BMPR2: variants seen among roughly 807,000 people sequenced by gnomAD.
BMPR2 encodes bone morphogenetic protein receptor type-2.
In BMPR2, 29 loss-of-function variants were observed where a neutral mutation model predicts 100.8. The observed-to-expected ratio is 0.29, with a 90% confidence interval of 0.21 to 0.39. BMPR2 has a LOEUF of 0.39. Among genes scored for constraint, BMPR2 ranks in the 10% least tolerant of loss-of-function variants. The probability of loss-of-function intolerance (pLI) is 1.00; values close to 1 mark genes in which losing one functional copy is unlikely to be tolerated. For missense variants in BMPR2, 1,011 were observed against 1,274.5 expected (o/e 0.79, Z 3.15); for synonymous variants, 382 against 442.3 (o/e 0.86, Z 1.71).
At chr2:202,545,934 C>G (rs982818143) in intron 10 of BMPR2, among the ~76,000 whole-genome samples, 4 of 152,160 alleles carry the variant, frequency 2.6e-5, no homozygotes, top group Non-Finnish European at 5.9e-5. Context: ...AAAGAAAAAT[C>G]TGTGAAATTT....
Position 202,491,345 on chromosome 2 carries a change from C to T in BMPR2, c.419-22374C>T, listed in dbSNP as rs551851428. On this transcript the variant is annotated intron_variant, in intron 3 of 12. Coordinates refer to ENST00000374580, the MANE Select transcript of BMPR2 (RefSeq NM_001204.7). ...GTACTGAGATTGCGGTCATGAGCCA[C>T]TGCTCCGAGCCCACCCTACCTCTTT... is the stretch of plus-strand genomic sequence containing the variant. 8.9e-4 allele frequency among the ~76,000 whole-genome samples: 136 copies of T among 152,306 alleles called. 1 individual carries two copies. The highest frequency in any genetic ancestry group is 3.1e-3 in the African/African-American group (128 of 41,576).
intron 1 of BMPR2, among the ~76,000 whole-genome samples, chr2:202,446,066 G>A (rs539565261): frequency 6.6e-6 from 1 of 150,484 alleles, no homozygotes; most frequent in East Asian, 1.9e-4. Flanking sequence ...AAGTCACTGC[G>A]CCCGGCCACA....
rs1361779333 is a variant in BMPR2 at position 202,560,010 on chromosome 2, A to G, written c.*64A>G. The G allele has an allele frequency of 5.5e-5, 88 of 1,601,174 alleles. No individual in the cohort carries two copies. The highest frequency in any genetic ancestry group is 7.2e-5 in the Non-Finnish European group (85 of 1,174,772). ...TCATTTAAACATGCAGAAGATGTTT[A>G]AAAATAAAAAAAAAACTGCTTTATC... On this transcript the variant is annotated 3_prime_UTR_variant, in exon 13 of 13. Transcript: ENST00000374580.
intron 1 of BMPR2, among the ~76,000 whole-genome samples, chr2:202,461,097 G>T (rs1024753929): frequency 6.6e-6 from 1 of 152,094 alleles, no homozygotes; most frequent in African/African-American, 2.4e-5. Flanking sequence ...TTCTGCCTCA[G>T]CCTCCCAAAG....
At chr2:202,546,932 TTTGTTTTG>T (rs1430904511) in intron 10 of BMPR2, among the ~76,000 whole-genome samples, 72 of 151,262 alleles carry the variant, frequency 4.8e-4, no homozygotes, top group Non-Finnish European at 6.3e-4. Context: ...TTTGTTTTGT[TTTGTTTTG>T]TTTTGTTTTG....
chr2:202,386,804 C>T (rs1472293896), intron 1 of BMPR2, among the ~76,000 whole-genome samples: 2 of 152,076 alleles, frequency 1.3e-5, no homozygotes, highest in African/African-American at 4.8e-5. Flanking sequence ...CCTCAGCCTC[C>T]CGAGTAGATG....
chr2:202,544,602 A>G (rs1432458564), intron 10 of BMPR2, among the ~76,000 whole-genome samples: 2 of 151,956 alleles, frequency 1.3e-5, no homozygotes, highest in African/African-American at 4.8e-5. Context: ...TTTTTTCTCT[A>G]TAAGCTTTTA....
Position 202,473,499 on chromosome 2 carries a change from A to T in BMPR2, c.418+5810A>T, listed in dbSNP as rs186239414. On this transcript the variant is annotated intron_variant, in intron 3 of 12. Transcript: ENST00000374580. ...TTTAACAAAAACACATTTTAAAATT[A>T]CAAAAAACTGGCCAGGCGCGGTGGC... is the stretch of plus-strand genomic sequence containing the variant. Among the ~76,000 whole-genome samples, 151 of 152,272 alleles carry T rather than the reference A, an allele frequency of 9.9e-4. 6 individuals carry two copies. In the South Asian group the frequency reaches 0.031, roughly 31 times the overall value.
intron 9 of BMPR2, among the ~76,000 whole-genome samples, chr2:202,536,176 G>C (rs1236459835): frequency 1.3e-5 from 2 of 152,096 alleles, no homozygotes; most frequent in Non-Finnish European, 2.9e-5. Context: ...GCAGTGGTGT[G>C]ATCACAGCTC....
intron 5 of BMPR2, among the ~76,000 whole-genome samples, chr2:202,516,211 A>G: frequency 6.6e-6 from 1 of 152,238 alleles, no homozygotes; most frequent in East Asian, 1.9e-4. Flanking sequence ...AATAGATGTG[A>G]TAGATTTGAC....
intron 1 of BMPR2, among the ~76,000 whole-genome samples, chr2:202,379,611 G>A (rs995560116): frequency 6.6e-6 from 1 of 152,218 alleles, no homozygotes; most frequent in Non-Finnish European, 1.5e-5. Context: ...GAAGTGGCTA[G>A]TGCAGCTTCA....
chr2:202,453,390 C>G (rs570224126), intron 1 of BMPR2, among the ~76,000 whole-genome samples: 35 of 152,010 alleles, frequency 2.3e-4, no homozygotes, highest in African/African-American at 8.0e-4. Flanking sequence ...TTCACAATAG[C>G]CAAGATTTGG....
chr2:202,492,825 A>C (rs530946367), intron 3 of BMPR2, among the ~76,000 whole-genome samples: 2 of 152,126 alleles, frequency 1.3e-5, no homozygotes, highest in African/African-American at 2.4e-5. Flanking sequence ...GGGGAAAAAA[A>C]GTTATTTGTT....
At chr2:202,474,251 C>T (rs1347190670) in intron 3 of BMPR2, among the ~76,000 whole-genome samples, 1 of 151,904 alleles carries the variant, frequency 6.6e-6, no homozygotes, top group African/African-American at 2.4e-5. Context: ...GTCAGGAGTT[C>T]GAGACCAGCC....
At chr2:202,538,316 C>T (rs1226993864) in intron 9 of BMPR2, among the ~76,000 whole-genome samples, 5 of 150,938 alleles carry the variant, frequency 3.3e-5, no homozygotes, top group Non-Finnish European at 4.4e-5. Flanking sequence ...ATCAGCTGGT[C>T]GTGGTGGCAG....
At chr2:202,414,473 A>G (rs906816331) in intron 1 of BMPR2, among the ~76,000 whole-genome samples, 1 of 152,210 alleles carries the variant, frequency 6.6e-6, no homozygotes, top group African/African-American at 2.4e-5. Flanking sequence ...AAAAGCTAAA[A>G]ATGATTAGGC....
chr2:202,567,260 G>A lies in BMPR2; in HGVS notation c.*7314G>A, dbSNP rs772706806. ...TTCTGAATGGACAGGAGAAACATAAGCTACGGAGTATTCACTTCTGAGGAT... is the reference window on the plus strand; with the variant it reads ...TTCTGAATGGACAGGAGAAACATAAACTACGGAGTATTCACTTCTGAGGAT... On this transcript the variant is annotated 3_prime_UTR_variant, in exon 13 of 13. Transcript: ENST00000374580. 5.9e-5 allele frequency: 9 copies of A among 152,724 alleles called. No homozygotes were observed. The highest frequency in any genetic ancestry group is 2.1e-4 in the South Asian group (1 of 4,826). The allele number at this position is 152,724 out of a possible 1,614,324, so 9.5% of individuals were successfully genotyped here.
intron 1 of BMPR2, among the ~76,000 whole-genome samples, chr2:202,458,777 C>T (rs760836216): frequency 6.6e-6 from 1 of 152,148 alleles, no homozygotes; most frequent in South Asian, 2.1e-4. Context: ...AGCAAACTTA[C>T]TTATAATTAC....
At chr2:202,428,910 A>G (rs1241063697) in intron 1 of BMPR2, among the ~76,000 whole-genome samples, 1 of 152,160 alleles carries the variant, frequency 6.6e-6, no homozygotes, top group Non-Finnish European at 1.5e-5. Flanking sequence ...GTTACTGGAA[A>G]GGGGTCTTGA....
Sources: allele counts gnomAD v4.1 joint callset (sites outside exome capture counted in the v4.1 genomes callset), GRCh38; gene constraint gnomAD v4.1.1; transcripts MANE v1.5; gene names NCBI Gene and HGNC (gene_info 2026-07-23, HGNC 2026-07-21).